SLC12A1: variants seen among roughly 807,000 people sequenced by gnomAD.
SLC12A1 encodes Na-K-2Cl cotransporter.
A neutral mutation model predicts 130.4 loss-of-function variants in SLC12A1; 89 were observed. The ratio of observed to expected loss-of-function variants is 0.68; its 90% CI spans 0.58 to 0.81. SLC12A1 has a LOEUF of 0.81. SLC12A1 is among the 40% of genes least tolerant of loss of function. The probability of loss-of-function intolerance (pLI) is 0.00; values close to 1 mark genes in which losing one functional copy is unlikely to be tolerated. For synonymous variants in SLC12A1, 499 were observed against 460.0 expected, an observed-to-expected ratio of 1.08 and a Z score of -1.09; for missense variants, 1,310 against 1,336.4, an observed-to-expected ratio of 0.98 and a Z score of 0.31.
At chr15:48,245,107 A>G (rs2041562585) in intron 11 of SLC12A1, among the ~76,000 whole-genome samples, 1 of 152,224 alleles carries the variant, frequency 6.6e-6, no homozygotes, top group Non-Finnish European at 1.5e-5. Context: ...GTCAGAGACA[A>G]TAGGCAGTGG....
At chr15:48,268,642 T>C (rs1342161093) in intron 18 of SLC12A1, among the ~76,000 whole-genome samples, 3 of 152,186 alleles carry the variant, frequency 2.0e-5, no homozygotes, top group Admixed American at 2.0e-4. Context: ...TAGATGCACG[T>C]ACAGAGAAAC....
intron 13 of SLC12A1, among the ~76,000 whole-genome samples, chr15:48,248,880 C>T (rs892287948): frequency 3.9e-5 from 6 of 152,132 alleles, no homozygotes; most frequent in African/African-American, 9.7e-5. Context: ...CTTGTCTCTA[C>T]TAAAACTACA....
At chr15:48,288,965 T>C (rs1307633362) in intron 23 of SLC12A1, among the ~76,000 whole-genome samples, 1 of 152,174 alleles carries the variant, frequency 6.6e-6, no homozygotes. Flanking sequence ...AGACTGCACC[T>C]GGGTTCTAGC....
At chr15:48,240,094 T>A (rs1247535035) in intron 9 of SLC12A1, among the ~76,000 whole-genome samples, 1 of 78,716 alleles carries the variant, frequency 1.3e-5, no homozygotes, top group East Asian at 3.6e-4. Flanking sequence ...TATATATCCA[T>A]ATATATATAT....
At chr15:48,237,038 A>C (rs886071786) in intron 9 of SLC12A1, 1 of 702,410 alleles carries the variant, frequency 1.4e-6, no homozygotes, top group Admixed American at 2.0e-5. Flanking sequence ...TCAGAGTCGA[A>C]GGAGGAGACA....
chr15:48,267,067 C>T (rs1300364828), intron 17 of SLC12A1, among the ~76,000 whole-genome samples: 6 of 152,136 alleles, frequency 3.9e-5, no homozygotes, highest in Non-Finnish European at 7.3e-5. Flanking sequence ...GAAAAAGCAA[C>T]GCATCAGCCA....
intron 10 of SLC12A1, among the ~76,000 whole-genome samples, chr15:48,242,835 TG>T (rs146222972): frequency 0.026 from 3,958 of 152,236 alleles, 184 homozygotes; most frequent in African/African-American, 0.092. Context: ...AATGTATTGT[TG>T]GGGCATGTCC....
intron 24 of SLC12A1, among the ~76,000 whole-genome samples, chr15:48,295,196 C>T (rs1296191695): frequency 2.6e-5 from 4 of 152,026 alleles, no homozygotes; most frequent in Non-Finnish European, 1.5e-5. Flanking sequence ...AGGCATGAGC[C>T]ACCACACCTG....
chr15:48,269,344 A>C (rs1415605944), intron 18 of SLC12A1, among the ~76,000 whole-genome samples: 1 of 152,236 alleles, frequency 6.6e-6, no homozygotes, highest in Non-Finnish European at 1.5e-5. Flanking sequence ...GCATACCAAC[A>C]GTTAAGCTGA....
intron 4 of SLC12A1, 22 bp from the exon 5 acceptor site, chr15:48,226,454 T>C: frequency 7.1e-7 from 1 of 1,412,150 alleles, no homozygotes; most frequent in Non-Finnish European, 9.9e-7. Context: ...ATGCAATATC[T>C]TCTATCTTTC....
At chr15:48,267,280 G>A (rs1374872224) in intron 17 of SLC12A1, among the ~76,000 whole-genome samples, 1 of 152,142 alleles carries the variant, frequency 6.6e-6, no homozygotes, top group Non-Finnish European at 1.5e-5. Flanking sequence ...TATTTTCCTT[G>A]TGTCATGTTG....
chr15:48,277,638 G>T (rs957006528), intron 20 of SLC12A1, among the ~76,000 whole-genome samples: 4 of 152,226 alleles, frequency 2.6e-5, no homozygotes, highest in Non-Finnish European at 5.9e-5. Flanking sequence ...GCAGCATGAA[G>T]TCTCCAAGGT....
At chr15:48,215,830 A>G (rs1490155182) in intron 2 of SLC12A1, among the ~76,000 whole-genome samples, 1 of 152,246 alleles carries the variant, frequency 6.6e-6, no homozygotes, top group East Asian at 1.9e-4. Flanking sequence ...GATTTTCACA[A>G]AATCCACTGG....
In SLC12A1 at chr15:48,246,998, C is replaced by T. The variant is rs755267217; in HGVS notation, c.1542C>T (p.Ser514=). Residue 514 remains serine, a synonymous_variant, in exon 12 of 27, where the codon AGC becomes AGT. Transcript: ENST00000380993. The stretch of plus-strand genomic sequence containing the variant: ...CCTCCGCCCTGGCCTCCCTTGTCAG[C>T]GCACCCAAAGTGTTCCAGGTAATAC... ...TLSSALASLV[S]APKVFQALCK... is the part of the protein sequence containing the mutation. 3.6e-5 allele frequency: 58 copies of T among 1,613,418 alleles called. No homozygotes were observed. The Admixed American group carries it at 3.7e-4, about 10-fold the overall frequency.
chr15:48,246,343 A>G (rs1223541402), intron 11 of SLC12A1, among the ~76,000 whole-genome samples: 1 of 152,196 alleles, frequency 6.6e-6, no homozygotes, highest in East Asian at 1.9e-4. Flanking sequence ...TATGGCCACA[A>G]AGAACAGAGG....
At chr15:48,216,782 A>G (rs989154956) in intron 2 of SLC12A1, among the ~76,000 whole-genome samples, 1 of 152,220 alleles carries the variant, frequency 6.6e-6, no homozygotes, top group African/African-American at 2.4e-5. Context: ...TTGATTATAC[A>G]TTTCAGTTAT....
intron 5 of SLC12A1, chr15:48,227,362 C>A: frequency 1.7e-6 from 1 of 599,220 alleles, no homozygotes; most frequent in Non-Finnish European, 3.0e-6. Context: ...TTGACATGAC[C>A]CATTTCTTGT....
intron 20 of SLC12A1, among the ~76,000 whole-genome samples, chr15:48,280,630 T>C (rs2042000552): frequency 6.6e-6 from 1 of 152,152 alleles, no homozygotes; most frequent in Non-Finnish European, 1.5e-5. Flanking sequence ...TGTATTCAAG[T>C]TCCCAGTAGG....
At position 48,285,192 on chromosome 15, in the gene SLC12A1, C is replaced by A. The variant is rs750424494; in HGVS notation, c.2572C>A (p.Arg858=). 6.2e-7 allele frequency: 1 copy of A among 1,613,684 alleles called. No homozygotes were observed. Among genetic ancestry groups the A allele is most frequent in the Non-Finnish European group, 8.5e-7 (1 of 1,179,766 alleles). ...NECEEESGGI[R]GLFKKAGKLN... ...GTGTGAAGAGGAAAGTGGAGGCATC[C>A]GAGGCTTGTTTAAAAAAGCTGGCAA... Residue 858 remains arginine (R), a synonymous_variant, in exon 21 of 27, where the codon CGA becomes AGA. Coordinates refer to ENST00000380993, the MANE Select transcript of SLC12A1 (RefSeq NM_000338.3).
Sources: gnomAD v4.1 joint callset for allele counts (sites outside exome capture counted in the v4.1 genomes callset) on GRCh38, gnomAD v4.1.1 for gene constraint, MANE v1.5 for transcripts, NCBI Gene and HGNC (gene_info 2026-07-23, HGNC 2026-07-21) for gene names.